The following DZIP3 variants were observed in gnomAD, a reference collection of about 807,000 sequenced individuals.
The protein encoded by DZIP3 is E3 ubiquitin-protein ligase DZIP3.
In DZIP3, 118 loss-of-function variants were observed where a neutral mutation model predicts 162.0. The observed-to-expected ratio is 0.73, with a 90% CI of 0.63 to 0.85. The LOEUF is 0.85. Ranked by LOEUF, DZIP3 falls within the 40% of genes least tolerant of loss-of-function variation. The pLI, the probability that DZIP3 is intolerant of heterozygous loss-of-function variation, is 0.00. For missense variants in DZIP3, 1,331 were observed against 1,407.0 expected, an observed-to-expected ratio of 0.95 and a Z score of 0.86; for synonymous variants, 438 against 458.6, an observed-to-expected ratio of 0.96 and a Z score of 0.57.
rs549779331 is a variant in DZIP3, at chr3:108,601,101, CCAGAA to C, written c.-72-4231_-72-4227del. ...ATCAGGATGGTCTTATTTTTCTTCCCCAGAACAATCTCTAGGTCCACTTAATTAAG... is the reference window on the plus strand; with the variant it reads ...ATCAGGATGGTCTTATTTTTCTTCCCCAATCTCTAGGTCCACTTAATTAAG... On this transcript the variant is annotated intron_variant, in intron 1 of 32. Coordinates refer to ENST00000361582, the MANE Select transcript of DZIP3 (RefSeq NM_014648.4). Among the ~76,000 whole-genome samples, 240 of 152,198 alleles carry C rather than the reference CCAGAA, an allele frequency of 1.6e-3. 1 individual carries two copies. The highest frequency in any genetic ancestry group is 5.5e-3 in the African/African-American group (230 of 41,524).
At chr3:108,623,322 C>A (rs1941451641) in intron 5 of DZIP3, among the ~76,000 whole-genome samples, 2 of 152,122 alleles carry the variant, frequency 1.3e-5, no homozygotes, top group South Asian at 4.1e-4. Context: ...ACCCAAGGCC[C>A]ATGGCGAGTA....
At chr3:108,624,273 T>A (rs573635616) in intron 5 of DZIP3, among the ~76,000 whole-genome samples, 171 bp from the exon 6 acceptor site, 1 of 151,760 alleles carries the variant, frequency 6.6e-6, no homozygotes, top group Non-Finnish European at 1.5e-5. Context: ...TGGGTCAAAT[T>A]ATCAAATATA....
At position 108,628,381 on chromosome 3, in the gene DZIP3, G is replaced by T. The variant is rs374945047; in HGVS notation, c.582-681G>T. ...CTAAATATCCCCATTTTAGATCCTA[G>T]GGTCTACTCATTGCATATCAAAGCC... On this transcript the variant is annotated intron_variant, in intron 7 of 32. Coordinates refer to ENST00000361582, the MANE Select transcript of DZIP3 (RefSeq NM_014648.4). Among the ~76,000 whole-genome samples the T allele has an allele frequency of 5.3e-5, 8 of 152,240 alleles. No individual in the cohort carries two copies. The East Asian group carries it at 1.2e-3, about 22-fold the overall frequency.
At chr3:108,625,538 G>C (rs903527577) in intron 6 of DZIP3, among the ~76,000 whole-genome samples, 5 of 152,140 alleles carry the variant, frequency 3.3e-5, no homozygotes, top group African/African-American at 1.2e-4. Context: ...GACACTATCA[G>C]TGTGCACCAC....
chr3:108,654,909 G>A (rs185949302), intron 19 of DZIP3, among the ~76,000 whole-genome samples: 1 of 152,246 alleles, frequency 6.6e-6, no homozygotes, highest in Admixed American at 6.5e-5. Context: ...AACCTGCTCT[G>A]CTGTTTAAAT....
At chr3:108,619,194 T>G (rs1289704931) in intron 5 of DZIP3, among the ~76,000 whole-genome samples, 2 of 151,972 alleles carry the variant, frequency 1.3e-5, no homozygotes, top group African/African-American at 2.4e-5. Context: ...AAGATAGGGT[T>G]ATAATCTTCA....
chr3:108,654,144 G>C lies in DZIP3; in HGVS notation c.2034-1G>C, dbSNP rs1943003059. 4.3e-6 allele frequency: 7 copies of C among 1,612,766 alleles called. No homozygotes were observed. Among genetic ancestry groups the C allele is most frequent in the Non-Finnish European group, 5.9e-6 (7 of 1,179,378 alleles). On this transcript the variant is annotated splice_acceptor_variant, in intron 18 of 32. Transcript: ENST00000361582. LOFTEE classifies it high-confidence loss of function. ...TCACATTGATTATGTCACGACTACA[G>C]CCCATATGTGGTAGAAAAGGAAGAG...
intron 4 of DZIP3, among the ~76,000 whole-genome samples, chr3:108,616,306 A>T (rs1307992276): frequency 6.8e-6 from 1 of 147,382 alleles, no homozygotes; most frequent in Non-Finnish European, 1.5e-5. Context: ...ATAAATAAAT[A>T]AAATAAAATT....
At chr3:108,631,055 A>ACACACACACACACAAACACTCTCTCT in intron 8 of DZIP3, among the ~76,000 whole-genome samples, 1 of 18,014 alleles carries the variant, frequency 5.6e-5, no homozygotes, top group South Asian at 2.3e-3. Context: ...ACACACACAC[A>ACACACACACACACAAACACTCTCTCT]CTCTCTCTCT....
At position 108,605,346 on chromosome 3, in the gene DZIP3, A is replaced by G; in HGVS notation, c.-61A>G. 1 of 1,602,828 alleles carries G rather than the reference A, an allele frequency of 6.2e-7. No individual in the cohort carries two copies. Among genetic ancestry groups the G allele is most frequent in the Non-Finnish European group, 8.5e-7 (1 of 1,170,644 alleles). On this transcript the variant is annotated 5_prime_UTR_variant, in exon 2 of 33. Coordinates refer to ENST00000361582, the MANE Select transcript of DZIP3 (RefSeq NM_014648.4). ...TATTTTCCTTACAGCATTAAAGGGC[A>G]GTATTTAAAGTCAGTTGGCAAGCAG...
chr3:108,599,209 C>T (rs6437786), intron 1 of DZIP3, among the ~76,000 whole-genome samples: 129,173 of 152,246 alleles, frequency 0.85, 55,225 homozygotes, highest in East Asian at 1. Flanking sequence ...CAAGAGCTAA[C>T]ATAAACAGTG....
chr3:108,609,832 C>T (rs747660675), intron 3 of DZIP3, among the ~76,000 whole-genome samples: 4 of 152,218 alleles, frequency 2.6e-5, no homozygotes, highest in East Asian at 1.9e-4. Context: ...CAAAGCAAGA[C>T]GCTGTAGGCA....
intron 21 of DZIP3, among the ~76,000 whole-genome samples, chr3:108,666,019 A>G (rs2107321855): frequency 6.6e-6 from 1 of 152,270 alleles, no homozygotes; most frequent in African/African-American, 2.4e-5. Context: ...GACTTCAGAA[A>G]GGAAAGAAGA....
Position 108,646,500 on chromosome 3 carries a change from C to T in DZIP3, c.1760-117C>T, listed in dbSNP as rs936121804. 12 of 731,162 alleles carry T rather than the reference C, an allele frequency of 1.6e-5. No individual in the cohort carries two copies. The African/African-American group carries it at 1.8e-4, about 11-fold the overall frequency. 45.3% of individuals were successfully genotyped at this position (731,162 alleles called of 1,614,324 possible). A position where few individuals can be genotyped will look rare whatever the true frequency, so the allele number is the denominator to read the frequency against. The stretch of plus-strand genomic sequence containing the variant: ...TTGATGAGCAAAGCTGGTTATTTTT[C>T]CAGTTACTTACAGAATAAATTGGTG... On this transcript the variant is annotated intron_variant, in intron 14 of 32. Coordinates refer to ENST00000361582, the MANE Select transcript of DZIP3 (RefSeq NM_014648.4).
intron 19 of DZIP3, among the ~76,000 whole-genome samples, chr3:108,658,414 C>T (rs1176389094): frequency 6.6e-6 from 1 of 151,866 alleles, no homozygotes; most frequent in African/African-American, 2.4e-5. Flanking sequence ...GAAATGAAGG[C>T]AGAAATAAAG....
chr3:108,644,858 G>A (rs1170845665), intron 14 of DZIP3, 77 bp downstream of exon 14: 1 of 1,372,564 alleles, frequency 7.3e-7, no homozygotes, highest in East Asian at 2.3e-5. Context: ...ACAGTGCAAA[G>A]GGCAAGAGAT....
At chr3:108,611,801 C>A (rs1334460314) in intron 4 of DZIP3, among the ~76,000 whole-genome samples, 3 of 152,026 alleles carry the variant, frequency 2.0e-5, no homozygotes, top group African/African-American at 7.2e-5. Context: ...TTGGTCTCTA[C>A]TAAAAATACA....
chr3:108,672,566 G>T lies in DZIP3; in HGVS notation c.2499G>T (p.Gln833His). The change falls in exon 23 of 33, where the codon CAG becomes CAT. Residue 833 changes from glutamine to histidine, a missense_variant. By Grantham distance (24) the Gln-to-His change is conservative (BLOSUM62 0). This residue lies in a region of DZIP3 where 1,278 missense variants were observed against 1,317.1 expected (regional missense o/e 0.97). Transcript: ENST00000361582. ...TAATGATCATGTATTTCAGATCTCAGTGGGAAATGGAAAAACATAATCTGG... is the reference window on the plus strand; with the variant it reads ...TAATGATCATGTATTTCAGATCTCATTGGGAAATGGAAAAACATAATCTGG... ...LKEQLSMKRSQWEMEKHNLES... is the reference protein window; with the variant it reads ...LKEQLSMKRSHWEMEKHNLES... The T allele has an allele frequency of 6.2e-7, 1 of 1,611,280 alleles. No individual in the cohort carries two copies. Among genetic ancestry groups the T allele is most frequent in the Admixed American group, 1.7e-5 (1 of 59,772 alleles).
intron 2 of DZIP3, 145 bp from the exon 3 acceptor site, chr3:108,607,944 A>G: frequency 4.3e-6 from 3 of 689,658 alleles, no homozygotes; most frequent in Non-Finnish European, 7.6e-6. Context: ...CTCTAAAGAG[A>G]TATGGCACCT....
Sources: gnomAD v4.1 joint callset for allele counts (sites outside exome capture counted in the v4.1 genomes callset) on GRCh38, gnomAD v4.1.1 for gene constraint, gnomAD v4.1.1 regional missense constraint, MANE v1.5 for transcripts, NCBI Gene and HGNC (gene_info 2026-07-23, HGNC 2026-07-21) for gene names.